COL5A3: variants seen among roughly 807,000 people sequenced by gnomAD.
COL5A3 encodes collagen alpha-3(V) chain.
In COL5A3, 172 loss-of-function variants were observed where a neutral mutation model predicts 250.0. That is an observed-to-expected ratio of 0.69 (90% CI 0.61 to 0.78). The LOEUF is 0.78. COL5A3 is among the 30% of genes least tolerant of loss of function. The probability of loss-of-function intolerance (pLI) is 0.00; values close to 1 mark genes in which losing one functional copy is unlikely to be tolerated. For synonymous variants in COL5A3, 937 were observed against 900.4 expected, an observed-to-expected ratio of 1.04 and a Z score of -0.73; for missense variants, 2,340 against 2,334.4, an observed-to-expected ratio of 1.00 and a Z score of -0.05.
At chr19:9,974,789 T>C (rs1234243192) in intron 45 of COL5A3, among the ~76,000 whole-genome samples, 1 of 152,284 alleles carries the variant, frequency 6.6e-6, no homozygotes, top group Admixed American at 6.5e-5. Flanking sequence ...GGGCCGTATG[T>C]TCCTATTGTA....
rs756316314 is a variant in COL5A3, at chr19:10,003,600, T to C, written c.814A>G (p.Thr272Ala). 3 of 1,614,016 alleles carry C rather than the reference T, an allele frequency of 1.9e-6. No individual in the cohort carries two copies. The highest frequency in any genetic ancestry group is 1.7e-5 in the Admixed American group (1 of 59,992). Residue 272 changes from threonine (T) to alanine (A), a missense_variant, in exon 6 of 67, where the codon ACC becomes GCC. Thr to Ala is a moderately conservative substitution (Grantham distance 58). Around this residue, in one of 3 missense-constraint regions of COL5A3, gnomAD observed 1,152 missense variants for 1,146.3 expected, o/e 1.00. Coordinates refer to ENST00000264828, the MANE Select transcript of COL5A3 (RefSeq NM_015719.4). ...KGRKKNKEIW[T>A]SSPPPDSAEN... ...GCGGAGTCAGGAGGTGGACTTGAGGTCCAAATTTCCTTGTTCTTTTTCCTG... is the reference window on the plus strand; with the variant it reads ...GCGGAGTCAGGAGGTGGACTTGAGGCCCAAATTTCCTTGTTCTTTTTCCTG...
intron 11 of COL5A3, 27 bp from the exon 12 acceptor site, chr19:9,996,716 TG>T: frequency 6.4e-7 from 1 of 1,566,298 alleles, no homozygotes; most frequent in Non-Finnish European, 8.6e-7. Context: ...GGAAGAGAGG[TG>T]GAGACAGGGA....
chr19:9,995,536 G>A (rs1181773906), intron 16 of COL5A3, 28 bp downstream of exon 16: 3 of 1,598,392 alleles, frequency 1.9e-6, no homozygotes, highest in African/African-American at 2.7e-5. Context: ...TGGATAAGGG[G>A]TGGTCTGGGG....
rs1599534437 is a variant in COL5A3 at position 9,970,639 on chromosome 19, CG to C, written c.3918del (p.Gly1310AlafsTer83). The C allele has an allele frequency of 2.3e-5, 34 of 1,450,998 alleles. No individual in the cohort carries two copies. The highest frequency in any genetic ancestry group is 5.6e-5 in the Admixed American group (2 of 35,852). 89.9% of individuals were successfully genotyped at this position (1,450,998 alleles called of 1,614,324 possible). On this transcript the variant is annotated frameshift_variant, in exon 54 of 67. Transcript: ENST00000264828. LOFTEE classifies it high-confidence loss of function. Reference sequence around the variant, plus strand: ...TCACTTACCCTCTTGCCGGGGGGCCCGGGGGCGCCGGGCTCCCCAGAAGCTC... The same window carrying C: ...TCACTTACCCTCTTGCCGGGGGGCCCGGGGCGCCGGGCTCCCCAGAAGCTC... The part of the protein sequence containing the change: ...PPGASGEPGA[P>X]GPPGKRGPSG...
rs753122017 is a variant in COL5A3 at position 9,997,966 on chromosome 19, AAC to A, written c.1200+16_1200+17del. 2 of 1,613,928 alleles carry A rather than the reference AAC, an allele frequency of 1.2e-6. No individual in the cohort carries two copies. Among genetic ancestry groups the A allele is most frequent in the South Asian group, 2.2e-5 (2 of 91,054 alleles). On this transcript the variant is annotated intron_variant, in intron 10 of 66. Coordinates refer to ENST00000264828, the MANE Select transcript of COL5A3 (RefSeq NM_015719.4). Reference sequence around the variant, plus strand: ...TGGAAGGGAAAGACTGGAAGAAGGAAACACAGCCATGACTTACTTGGGGTCCT... The same window carrying A: ...TGGAAGGGAAAGACTGGAAGAAGGAAACAGCCATGACTTACTTGGGGTCCT...
intron 15 of COL5A3, 86 bp downstream of exon 15, chr19:9,995,980 G>T: frequency 3.2e-6 from 4 of 1,266,538 alleles, no homozygotes; most frequent in Non-Finnish European, 4.3e-6. Context: ...CAGCCCCTTT[G>T]GCACTTTCCC....
Position 9,977,600 on chromosome 19 carries a change from C to T in COL5A3, c.3120G>A (p.Gly1040=). 1.9e-6 allele frequency: 3 copies of T among 1,586,934 alleles called. No individual in the cohort carries two copies. The highest frequency in any genetic ancestry group is 2.3e-5 in the South Asian group (2 of 86,722). Reference sequence around the variant, plus strand: ...GGATGGGCAAGTCACTTACCCGGGACCCCTTCTTGCCTGCAGGGCCAACGG... The same window carrying T: ...GGATGGGCAAGTCACTTACCCGGGATCCCTTCTTGCCTGCAGGGCCAACGG... ...EGPVGPAGKK[G]SRGERGPPGP... is the part of the protein sequence containing the mutation. The change falls in exon 42 of 67, where the codon GGG becomes GGA. Residue 1040 remains glycine (G), a synonymous_variant. Transcript: ENST00000264828.
In COL5A3 at chr19:10,002,029, A is replaced by G; in HGVS notation, c.850-148T>C. 12 of 611,412 alleles carry G rather than the reference A, an allele frequency of 2.0e-5. No individual in the cohort carries two copies. The South Asian group carries it at 2.5e-4, about 13-fold the overall frequency. 37.9% of individuals were successfully genotyped at this position (611,412 alleles called of 1,614,324 possible). On this transcript the variant is annotated intron_variant, in intron 6 of 66. Coordinates refer to ENST00000264828, the MANE Select transcript of COL5A3 (RefSeq NM_015719.4). Reference sequence around the variant, plus strand: ...AGAGCACCAGAGGCCAATGGAGACAAAAGTGTGCCAGCTGGACCAGGGCTG... The same window carrying G: ...AGAGCACCAGAGGCCAATGGAGACAGAAGTGTGCCAGCTGGACCAGGGCTG...
At chr19:9,970,941 G>T in intron 53 of COL5A3, 34 bp downstream of exon 53, 3 of 1,440,080 alleles carry the variant, frequency 2.1e-6, no homozygotes, top group Admixed American at 2.4e-5. Context: ...CCCAACCCCC[G>T]CCTCAGCACC....
chr19:9,968,143 G>A lies in COL5A3; in HGVS notation c.4315-64C>T. On this transcript the variant is annotated intron_variant, in intron 59 of 66. Coordinates refer to ENST00000264828, the MANE Select transcript of COL5A3 (RefSeq NM_015719.4). This position sits in a 1 kb window ranked among gnomAD's most constrained non-coding sequence, Gnocchi z 4.1. ...CCCTATTGCCCTGACACATCCCCCA[G>A]ACAAGCCTTCAATCCTACCAAAGGA... The A allele has an allele frequency of 6.8e-7, 1 of 1,460,596 alleles. No homozygotes were observed. The highest frequency in any genetic ancestry group is 9.4e-7 in the Non-Finnish European group (1 of 1,068,138). The allele number at this position is 1,460,596 out of a possible 1,614,324, so 90.5% of individuals were successfully genotyped here.
chr19:9,997,218 C>T, intron 11 of COL5A3, 153 bp downstream of exon 11: 1 of 687,982 alleles, frequency 1.5e-6, no homozygotes, highest in Non-Finnish European at 2.6e-6. Flanking sequence ...AGAAATAGTT[C>T]ACAGATGGGA....
At position 9,996,054 on chromosome 19, in the gene COL5A3, C is replaced by T; in HGVS notation, c.1533+12G>A. On this transcript the variant is annotated intron_variant, in intron 15 of 66. Transcript: ENST00000264828. ...TTCCCATCCTATCCTGCCCTATCTC[C>T]ACAAGTCTCACCTGTGGCCCTTCTG... 1 of 1,561,538 alleles carries T rather than the reference C, an allele frequency of 6.4e-7. No homozygotes were observed. Among genetic ancestry groups the T allele is most frequent in the South Asian group, 1.2e-5 (1 of 81,942 alleles).
Position 9,996,479 on chromosome 19 carries a change from A to G in COL5A3, c.1376T>C (p.Val459Ala). ...CTGAGCCTGGGCCTGCTGGAATGAG[A>G]CTGGGGGGCCTTTAAAGGAGCCGCC... ...FAGGSFKGPP[V>A]SFQQAQAQAV... The change falls in exon 13 of 67, where the codon GTC (valine) becomes GCC (alanine). Residue 459 changes from valine (V) to alanine (A), a missense_variant. By Grantham distance (64) the Val-to-Ala change is moderately conservative. Coordinates refer to ENST00000264828, the MANE Select transcript of COL5A3 (RefSeq NM_015719.4). The G allele has an allele frequency of 1.2e-6, 2 of 1,613,970 alleles. No homozygotes were observed. Among genetic ancestry groups the G allele is most frequent in the Non-Finnish European group, 8.5e-7 (1 of 1,179,976 alleles).
At chr19:9,986,957 G>T (rs1415771366) in intron 27 of COL5A3, among the ~76,000 whole-genome samples, 199 bp from the exon 28 acceptor site, 2 of 152,158 alleles carry the variant, frequency 1.3e-5, no homozygotes, top group African/African-American at 4.8e-5. Flanking sequence ...CATCTGTGCG[G>T]GGGTGTGCAG....
rs771976753 is a variant in COL5A3 at position 9,977,455 on chromosome 19, AG to A, written c.3143del (p.Pro1048LeufsTer96). 5.3e-6 allele frequency: 8 copies of A among 1,520,094 alleles called. No homozygotes were observed. The highest frequency in any genetic ancestry group is 7.0e-6 in the Non-Finnish European group (8 of 1,135,466). 94.2% of individuals were successfully genotyped at this position (1,520,094 alleles called of 1,614,324 possible). ...GGATCCCATCTTTGCCAGTGGGGCCAGGGGGGCCACGTTCTCCCTGTTGTGG... is the reference window on the plus strand; with the variant it reads ...GGATCCCATCTTTGCCAGTGGGGCCAGGGGGCCACGTTCTCCCTGTTGTGG... ...KKGSRGERGP[P>X]GPTGKDGIPG... On this transcript the variant is annotated frameshift_variant, in exon 43 of 67. Transcript: ENST00000264828. LOFTEE classifies it high-confidence loss of function.
chr19:9,979,544 C>A, intron 37 of COL5A3, 127 bp from the exon 38 acceptor site: 3 of 996,526 alleles, frequency 3.0e-6, no homozygotes, highest in Non-Finnish European at 4.6e-6. Flanking sequence ...AATCCCAGCA[C>A]TTTGGGAGGC....
At chr19:9,986,483 C>T in intron 29 of COL5A3, 61 bp from the exon 30 acceptor site, 1 of 1,601,878 alleles carries the variant, frequency 6.2e-7, no homozygotes, top group South Asian at 1.1e-5. Flanking sequence ...TGTCTAGCCC[C>T]AGCTCATCCC....
At position 9,967,913 on chromosome 19, in the gene COL5A3, T is replaced by G; in HGVS notation, c.4395A>C (p.Lys1465Asn). The G allele has an allele frequency of 6.2e-7, 1 of 1,612,682 alleles. No homozygotes were observed. The highest frequency in any genetic ancestry group is 1.1e-5 in the South Asian group (1 of 90,882). Residue 1465 changes from lysine (K) to asparagine (N), a missense_variant, in exon 61 of 67, where the codon AAA becomes AAC. Transcript: ENST00000264828. ...AGCAGGGTGTACTCACCGGAGACCC[T>G]TTTGAGCCTTTCTGTCCTAGAGGGC... ...VAGPLGQKGS[K>N]GSPGSMGPRG...
At chr19:9,980,993 C>T (rs1298493462) in intron 33 of COL5A3, 95 bp downstream of exon 33, 2 of 1,523,110 alleles carry the variant, frequency 1.3e-6, no homozygotes, top group Non-Finnish European at 1.8e-6. Flanking sequence ...TAACCCAAAC[C>T]CTTTCCCTGC....
Sources: allele counts gnomAD v4.1 joint callset (sites outside exome capture counted in the v4.1 genomes callset), GRCh38; gene constraint gnomAD v4.1.1; regional missense constraint gnomAD v4.1.1; non-coding constraint Gnocchi (gnomAD v3.1); transcripts MANE v1.5; gene names NCBI Gene and HGNC (gene_info 2026-07-23, HGNC 2026-07-21).